The following HMGB1 variants were observed in gnomAD, a reference collection of about 807,000 sequenced individuals.
The protein encoded by HMGB1 is high mobility group box 1.
For missense variants in HMGB1, 79 were observed against 253.5 expected (o/e 0.31, Z 4.67); for synonymous variants, 81 against 84.0 (o/e 0.96, Z 0.19).
chr13:30,466,931 T>G, upstream of HMGB1, among the ~76,000 whole-genome samples: 1 of 152,232 alleles, frequency 6.6e-6, no homozygotes, highest in Non-Finnish European at 1.5e-5. Flanking sequence ...ATCACACCAC[T>G]TAGTGCATCC....
intron 1 of HMGB1, among the ~76,000 whole-genome samples, chr13:30,567,342 A>AT (rs1222400590): frequency 1.3e-5 from 2 of 148,556 alleles, no homozygotes; most frequent in South Asian, 2.1e-4. Context: ...TTGTTAACCA[A>AT]ATTTTTTTTT....
intron 1 of HMGB1, among the ~76,000 whole-genome samples, chr13:30,563,108 C>A (rs924028220): frequency 2.7e-4 from 41 of 152,212 alleles, no homozygotes; most frequent in African/African-American, 4.8e-5. Context: ...GAATTACAAC[C>A]AGTAATTCTA....
At chr13:30,572,714 T>C (rs1221877878) in intron 1 of HMGB1, among the ~76,000 whole-genome samples, 1 of 152,246 alleles carries the variant, frequency 6.6e-6, no homozygotes, top group Non-Finnish European at 1.5e-5. Flanking sequence ...AATACATTTC[T>C]GCTTTCTCTA....
At chr13:30,516,903 C>T (rs1037549652) in intron 1 of HMGB1, among the ~76,000 whole-genome samples, 5 of 151,958 alleles carry the variant, frequency 3.3e-5, no homozygotes, top group South Asian at 2.1e-4. Flanking sequence ...GGTGACAGAA[C>T]GAGACCCAGT....
intron 1 of HMGB1, among the ~76,000 whole-genome samples, chr13:30,582,506 C>T (rs111903598): frequency 1.3e-5 from 2 of 151,912 alleles, no homozygotes; most frequent in African/African-American, 4.8e-5. Flanking sequence ...GGCGTGGTGG[C>T]GGGTGCCTGT....
At chr13:30,538,861 C>T (rs192324991) in intron 1 of HMGB1, among the ~76,000 whole-genome samples, 2 of 148,612 alleles carry the variant, frequency 1.3e-5, no homozygotes, top group African/African-American at 5.0e-5. Context: ...CAAAGAAAAA[C>T]ACCCCCATGG....
At chr13:30,599,871 C>CGTAATTA (rs992391051) in intron 1 of HMGB1, among the ~76,000 whole-genome samples, 2 of 152,196 alleles carry the variant, frequency 1.3e-5, no homozygotes, top group Admixed American at 1.3e-4. Flanking sequence ...CAGCCCGTAA[C>CGTAATTA]AGGCCTAGAC....
At chr13:30,616,192 G>T (rs951624139) in intron 1 of HMGB1, among the ~76,000 whole-genome samples, 17 of 152,226 alleles carry the variant, frequency 1.1e-4, no homozygotes, top group African/African-American at 3.4e-4. Flanking sequence ...AGAGGAAAAA[G>T]CTCTAGAGCG....
chr13:30,473,219 C>CAG (rs1043352276), intron 1 of HMGB1, among the ~76,000 whole-genome samples: 3 of 152,170 alleles, frequency 2.0e-5, no homozygotes, highest in African/African-American at 7.2e-5. Context: ...GGGGGGAAAT[C>CAG]AGCAGCTTCT....
At chr13:30,545,722 G>A (rs934840938) in intron 1 of HMGB1, among the ~76,000 whole-genome samples, 4 of 152,100 alleles carry the variant, frequency 2.6e-5, no homozygotes, top group South Asian at 4.1e-4. Context: ...TTGAGACAAG[G>A]TCTTACTCTG....
chr13:30,517,356 T>TCTCC (rs1888123795), intron 1 of HMGB1, among the ~76,000 whole-genome samples: 1 of 152,246 alleles, frequency 6.6e-6, no homozygotes, highest in Admixed American at 6.5e-5. Flanking sequence ...TCAACAGCTG[T>TCTCC]CTGGGAAAAG....
At chr13:30,490,784 TA>T (rs530193977) in intron 1 of HMGB1, among the ~76,000 whole-genome samples, 9 of 149,634 alleles carry the variant, frequency 6.0e-5, no homozygotes, top group South Asian at 2.1e-4. Context: ...CCCTGTCTCT[TA>T]AAAAAAAAAT....
At chr13:30,614,873 AT>A (rs34422229) in intron 1 of HMGB1, among the ~76,000 whole-genome samples, 547 of 116,080 alleles carry the variant, frequency 4.7e-3, no homozygotes, top group Admixed American at 5.4e-3. Context: ...TAATTTTTGT[AT>A]TTTTTTTTTT....
At chr13:30,538,617 CTCTCTCT>C (rs1370868955) in intron 1 of HMGB1, among the ~76,000 whole-genome samples, 3 of 99,162 alleles carry the variant, frequency 3.0e-5, no homozygotes, top group African/African-American at 1.2e-4. Flanking sequence ...CTTTCTCTTT[CTCTCTCT>C]CTTTCTTTTT....
chr13:30,543,751 G>C (rs186544624), intron 1 of HMGB1, among the ~76,000 whole-genome samples: 1 of 152,180 alleles, frequency 6.6e-6, no homozygotes, highest in African/African-American at 2.4e-5. Context: ...AGTCTGTCAA[G>C]GTCTCTAAAA....
chr13:30,582,145 C>A (rs944454445), intron 1 of HMGB1, among the ~76,000 whole-genome samples: 1 of 152,072 alleles, frequency 6.6e-6, no homozygotes, highest in Non-Finnish European at 1.5e-5. Flanking sequence ...GGGATGTTTC[C>A]GTGTGCCAGG....
At chr13:30,529,991 T>C (rs1216566054) in intron 1 of HMGB1, among the ~76,000 whole-genome samples, 1 of 152,218 alleles carries the variant, frequency 6.6e-6, no homozygotes, top group Non-Finnish European at 1.5e-5. Context: ...AAATGATGTC[T>C]TCAGTCTGAT....
chr13:30,468,650 A>G (rs1017005084), upstream of HMGB1, among the ~76,000 whole-genome samples: 1 of 152,182 alleles, frequency 6.6e-6, no homozygotes, highest in Non-Finnish European at 1.5e-5. Context: ...AACAGAGACT[A>G]TATCAGAGAG....
chr13:30,617,314 G>A (rs1296966773), exon 1 of HMGB1: 1 of 152,226 alleles, frequency 6.6e-6, no homozygotes, highest in Non-Finnish European at 1.5e-5. Context: ...AGACAGGGAG[G>A]GGCAGCTCCG....
Sources: allele counts gnomAD v4.1 joint callset (sites outside exome capture counted in the v4.1 genomes callset), GRCh38; gene constraint gnomAD v4.1.1; transcripts MANE v1.5; gene names NCBI Gene and HGNC (gene_info 2026-07-23, HGNC 2026-07-21).